PCDHGB1: variants seen among roughly 807,000 people sequenced by gnomAD.
The protein encoded by PCDHGB1 is protocadherin gamma subfamily B, 1.
Under a neutral mutation model 56.6 loss-of-function variants are expected in PCDHGB1, and 34 were observed. The observed-to-expected ratio is 0.60, with a 90% CI of 0.46 to 0.80. The LOEUF (loss-of-function observed/expected upper bound fraction) is 0.80. Among genes scored for constraint, PCDHGB1 ranks in the 30% least tolerant of loss-of-function variants. The pLI, the probability that PCDHGB1 is intolerant of heterozygous loss-of-function variation, is 0.00. For missense variants in PCDHGB1, 1,278 were observed against 1,204.6 expected, an observed-to-expected ratio of 1.06 and a Z score of -0.90; for synonymous variants, 561 against 505.9, an observed-to-expected ratio of 1.11 and a Z score of -1.46.
Position 141,350,201 on chromosome 5 carries a change from G to T in PCDHGB1, c.-60G>T. 2 of 1,440,872 alleles carry T rather than the reference G, an allele frequency of 1.4e-6. No homozygotes were observed. The highest frequency in any genetic ancestry group is 1.8e-6 in the Non-Finnish European group (2 of 1,083,674). 89.3% of individuals were successfully genotyped at this position (1,440,872 alleles called of 1,614,324 possible). ...AGCTCAAATCACAGAAGTCCAGGGTGCTGCCATTTCTTTTTGAAAAACATC... is the reference window on the plus strand; with the variant it reads ...AGCTCAAATCACAGAAGTCCAGGGTTCTGCCATTTCTTTTTGAAAAACATC... On this transcript the variant is annotated 5_prime_UTR_variant, in exon 1 of 4. Coordinates refer to ENST00000523390, the MANE Select transcript of PCDHGB1 (RefSeq NM_018922.3).
At chr5:141,357,342 C>G in intron 1 of PCDHGB1, 2 of 1,614,144 alleles carry the variant, frequency 1.2e-6, no homozygotes, top group Non-Finnish European at 1.7e-6. Flanking sequence ...TGCTAGCACT[C>G]AAGCTGAGAC....
chr5:141,388,910 C>T, intron 1 of PCDHGB1: 1 of 1,613,852 alleles, frequency 6.2e-7, no homozygotes, highest in East Asian at 2.2e-5. Context: ...ATGACAACGC[C>T]CCAGAAGTGA....
intron 1 of PCDHGB1, among the ~76,000 whole-genome samples, chr5:141,483,208 G>A (rs1195144442): frequency 6.6e-6 from 1 of 152,196 alleles, no homozygotes; most frequent in East Asian, 1.9e-4. Context: ...ATTCCATATA[G>A]ATGACAGTCA....
chr5:141,429,395 A>AAT (rs2097212201), intron 1 of PCDHGB1, among the ~76,000 whole-genome samples: 7 of 152,008 alleles, frequency 4.6e-5, no homozygotes, highest in African/African-American at 1.7e-4. Flanking sequence ...TTTAAAAAAA[A>AAT]TTGAGATTAA....
intron 1 of PCDHGB1, chr5:141,408,368 C>T: frequency 3.1e-6 from 5 of 1,613,992 alleles, no homozygotes; most frequent in Non-Finnish European, 4.2e-6. Context: ...GGATCTAGGG[C>T]TCAGTGTCCT....
chr5:141,469,005 G>A (rs1011079995), intron 1 of PCDHGB1, among the ~76,000 whole-genome samples: 7 of 151,814 alleles, frequency 4.6e-5, no homozygotes, highest in South Asian at 2.1e-4. Context: ...TGCTGGGTGC[G>A]GTGGGTCACT....
At chr5:141,374,341 C>T (rs1770393782) in intron 1 of PCDHGB1, 4 of 1,613,988 alleles carry the variant, frequency 2.5e-6, no homozygotes, top group Non-Finnish European at 3.4e-6. Flanking sequence ...GCTTGGTCAC[C>T]GCGGGTAGGA....
chr5:141,396,538 T>C (rs1352031358), intron 1 of PCDHGB1: 1 of 151,514 alleles, frequency 6.6e-6, no homozygotes, highest in Non-Finnish European at 1.5e-5. Flanking sequence ...AAGAATCACT[T>C]GAACCCGGGA....
chr5:141,368,807 G>A (rs1237062065), intron 1 of PCDHGB1, among the ~76,000 whole-genome samples: 1 of 152,082 alleles, frequency 6.6e-6, no homozygotes, highest in Admixed American at 6.5e-5. Context: ...ACTAATTGAA[G>A]TGTTCATACA....
intron 1 of PCDHGB1, chr5:141,390,879 T>C (rs965843602): frequency 1.3e-5 from 2 of 153,458 alleles, no homozygotes; most frequent in African/African-American, 4.8e-5. Flanking sequence ...TGTGTGTGTG[T>C]GTGTGTGTGA....
intron 1 of PCDHGB1, chr5:141,404,730 C>G: frequency 6.2e-7 from 1 of 1,613,984 alleles, no homozygotes; most frequent in East Asian, 2.2e-5. Context: ...AAGGTGGTGG[C>G]AGTGGACAGA....
intron 1 of PCDHGB1, among the ~76,000 whole-genome samples, chr5:141,382,003 A>G (rs1271495792): frequency 6.6e-6 from 1 of 150,830 alleles, no homozygotes; most frequent in Non-Finnish European, 1.5e-5. Flanking sequence ...ATAATTTTGT[A>G]TTTTTAGTAG....
chr5:141,355,915 G>A (rs1239960767), intron 1 of PCDHGB1: 5 of 1,613,748 alleles, frequency 3.1e-6, no homozygotes, highest in Non-Finnish European at 4.2e-6. Context: ...CAACGATAAT[G>A]CTCCCGTGTT....
intron 1 of PCDHGB1, among the ~76,000 whole-genome samples, chr5:141,482,804 G>T (rs1431490730): frequency 6.6e-6 from 1 of 152,194 alleles, no homozygotes; most frequent in East Asian, 1.9e-4. Flanking sequence ...GGGTACGGTG[G>T]CTCATGCCTG....
At position 141,512,881 on chromosome 5, in the gene PCDHGB1, C is replaced by T. The variant is rs1274589284; in HGVS notation, c.*1708C>T. 1.3e-5 allele frequency: 2 copies of T among 152,268 alleles called. No homozygotes were observed. Among genetic ancestry groups the T allele is most frequent in the African/African-American group, 4.8e-5 (2 of 41,458 alleles). 9.4% of individuals were successfully genotyped at this position (152,268 alleles called of 1,614,324 possible). On this transcript the variant is annotated 3_prime_UTR_variant, in exon 4 of 4. Coordinates refer to ENST00000523390, the MANE Select transcript of PCDHGB1 (RefSeq NM_018922.3). Reference sequence around the variant, plus strand: ...TCGCATAGTCACGTAGCTCCCACCCCACCCTCTTCCTGTGTCTCACGCAAG... The same window carrying T: ...TCGCATAGTCACGTAGCTCCCACCCTACCCTCTTCCTGTGTCTCACGCAAG...
chr5:141,450,581 G>A (rs2098686464), intron 1 of PCDHGB1, among the ~76,000 whole-genome samples: 1 of 151,878 alleles, frequency 6.6e-6, no homozygotes, highest in Non-Finnish European at 1.5e-5. Context: ...CTGCCTCCCA[G>A]GTTCAAGCAA....
rs1349189547 is a variant in PCDHGB1 at position 141,432,777 on chromosome 5, C to T, written c.2410-62030C>T. Reference sequence around the variant, plus strand: ...GCCGACAGCATCCCCCAAGTCCTGGCGGACCTCGGCAGCCTCGAGTCTCCA... The same window carrying T: ...GCCGACAGCATCCCCCAAGTCCTGGTGGACCTCGGCAGCCTCGAGTCTCCA... On this transcript the variant is annotated intron_variant, in intron 1 of 3. Coordinates refer to ENST00000523390, the MANE Select transcript of PCDHGB1 (RefSeq NM_018922.3). This position sits in a 1 kb window ranked among gnomAD's most constrained non-coding sequence, Gnocchi z 6.0. The T allele has an allele frequency of 6.2e-6, 10 of 1,614,154 alleles. No individual in the cohort carries two copies. The highest frequency in any genetic ancestry group is 7.6e-6 in the Non-Finnish European group (9 of 1,179,992).
At chr5:141,370,770 A>G (rs1479523551) in intron 1 of PCDHGB1, 1 of 1,614,024 alleles carries the variant, frequency 6.2e-7, no homozygotes, top group South Asian at 1.1e-5. Context: ...GATCCAGGAT[A>G]TTAACGACAA....
chr5:141,418,862 G>C (rs749632113), intron 1 of PCDHGB1: 1 of 1,613,994 alleles, frequency 6.2e-7, no homozygotes, highest in Non-Finnish European at 8.5e-7. Context: ...TAAAGTAATT[G>C]TAGAAGTTGT....
Sources: gnomAD v4.1 joint callset for allele counts (sites outside exome capture counted in the v4.1 genomes callset) on GRCh38, gnomAD v4.1.1 for gene constraint, Gnocchi (gnomAD v3.1) non-coding constraint, MANE v1.5 for transcripts, NCBI Gene and HGNC (gene_info 2026-07-23, HGNC 2026-07-21) for gene names.